CREB5: variants seen among roughly 807,000 people sequenced by gnomAD.
The protein encoded by CREB5 is cyclic AMP-responsive element-binding protein 5.
Under a neutral mutation model 57.1 loss-of-function variants are expected in CREB5, and 19 were observed. The ratio of observed to expected loss-of-function variants is 0.33; its 90% confidence interval spans 0.23 to 0.49. The LOEUF (loss-of-function observed/expected upper bound fraction) is 0.49, where lower values mean the gene tolerates loss of function less well. CREB5 is among the 20% of genes least tolerant of loss of function. The pLI, the probability that CREB5 is intolerant of heterozygous loss-of-function variation, is 0.99. For synonymous variants in CREB5, 238 were observed against 238.3 expected, an observed-to-expected ratio of 1.00 and a Z score of 0.01; for missense variants, 579 against 671.6, an observed-to-expected ratio of 0.86 and a Z score of 1.52.
intron 1 of CREB5, among the ~76,000 whole-genome samples, chr7:28,355,014 A>T (rs1210668474): frequency 2.0e-5 from 3 of 152,214 alleles, no homozygotes; most frequent in Non-Finnish European, 4.4e-5. Flanking sequence ...GCAAGCAGTA[A>T]ATGTGCCTCT....
At chr7:28,446,357 C>A (rs1156386548) in intron 1 of CREB5, among the ~76,000 whole-genome samples, 1 of 152,166 alleles carries the variant, frequency 6.6e-6, no homozygotes, top group African/African-American at 2.4e-5. Flanking sequence ...ACCAAATGTT[C>A]CTTGTGTTCT....
intron 4 of CREB5, among the ~76,000 whole-genome samples, chr7:28,538,673 G>A (rs1226625545): frequency 6.6e-6 from 1 of 151,964 alleles, no homozygotes; most frequent in Non-Finnish European, 1.5e-5. Flanking sequence ...AACTTCTTAA[G>A]ATGGATACTT....
chr7:28,392,449 G>A (rs963386461), intron 1 of CREB5, among the ~76,000 whole-genome samples: 1 of 152,022 alleles, frequency 6.6e-6, no homozygotes, highest in Non-Finnish European at 1.5e-5. Context: ...AATAATTGCG[G>A]TTTTTGGTAT....
intron 7 of CREB5, among the ~76,000 whole-genome samples, chr7:28,763,234 A>G (rs143618637): frequency 6.6e-6 from 1 of 152,346 alleles, no homozygotes; most frequent in African/African-American, 2.4e-5. Context: ...AAAAGCACTT[A>G]GATGTGCCTC....
At chr7:28,344,218 C>A (rs1434365002) in intron 1 of CREB5, among the ~76,000 whole-genome samples, 2 of 152,026 alleles carry the variant, frequency 1.3e-5, no homozygotes, top group South Asian at 2.1e-4. Flanking sequence ...CCAAAAAATT[C>A]TTGCCAAGAC....
At chr7:28,559,260 C>T (rs908003438) in intron 4 of CREB5, among the ~76,000 whole-genome samples, 1 of 152,146 alleles carries the variant, frequency 6.6e-6, no homozygotes, top group Non-Finnish European at 1.5e-5. Flanking sequence ...GCTTGCTGGC[C>T]TCTGCGTGTT....
chr7:28,515,779 A>G (rs946388158), intron 4 of CREB5, among the ~76,000 whole-genome samples: 1 of 152,194 alleles, frequency 6.6e-6, no homozygotes, highest in African/African-American at 2.4e-5. Context: ...TGCGAATTCT[A>G]AGAAGGCTAT....
intron 4 of CREB5, among the ~76,000 whole-genome samples, chr7:28,560,917 T>TGCGTGC (rs1170124048): frequency 2.5e-5 from 2 of 80,822 alleles, no homozygotes; most frequent in East Asian, 7.6e-4. Flanking sequence ...TGCGTGTGCG[T>TGCGTGC]GTGTGCGCGT....
At chr7:28,554,257 C>T (rs908921723) in intron 4 of CREB5, among the ~76,000 whole-genome samples, 2 of 152,228 alleles carry the variant, frequency 1.3e-5, no homozygotes, top group Non-Finnish European at 2.9e-5. Context: ...GTCACACCAT[C>T]TCTTTGGCCT....
chr7:28,492,515 CT>C (rs1290765655), intron 2 of CREB5, among the ~76,000 whole-genome samples: 3 of 151,744 alleles, frequency 2.0e-5, no homozygotes, highest in Non-Finnish European at 4.4e-5. Flanking sequence ...TATGTTCCTG[CT>C]GAATTAAAAA....
intron 5 of CREB5, among the ~76,000 whole-genome samples, chr7:28,680,115 T>C (rs1044285428): frequency 6.6e-6 from 1 of 152,180 alleles, no homozygotes; most frequent in Non-Finnish European, 1.5e-5. Context: ...GTTGGACAAT[T>C]GCAGACCTGC....
chr7:28,392,623 C>G (rs750006079), intron 1 of CREB5, among the ~76,000 whole-genome samples: 23 of 152,198 alleles, frequency 1.5e-4, no homozygotes, highest in Non-Finnish European at 2.6e-4. Context: ...TTGACCTTGA[C>G]TGATGATAGA....
intron 5 of CREB5, among the ~76,000 whole-genome samples, chr7:28,573,765 G>A (rs919229419): frequency 6.6e-6 from 1 of 152,200 alleles, no homozygotes; most frequent in Non-Finnish European, 1.5e-5. Flanking sequence ...ACAAAGGGTA[G>A]GCATCCTCAT....
intron 1 of CREB5, among the ~76,000 whole-genome samples, chr7:28,457,837 G>C (rs925460142): frequency 6.6e-6 from 1 of 152,182 alleles, no homozygotes; most frequent in Non-Finnish European, 1.5e-5. Context: ...TTAACCTGGA[G>C]CCTATGGCGG....
chr7:28,643,958 A>G (rs1195554533), intron 5 of CREB5, among the ~76,000 whole-genome samples: 1 of 152,022 alleles, frequency 6.6e-6, no homozygotes, highest in African/African-American at 2.4e-5. Flanking sequence ...GTGTACCTAT[A>G]GTCCAGCTGC....
At chr7:28,555,669 A>T (rs113914055) in intron 4 of CREB5, among the ~76,000 whole-genome samples, 4,869 of 152,136 alleles carry the variant, frequency 0.032, 301 homozygotes, top group African/African-American at 0.11. Flanking sequence ...AGAGCAAAAT[A>T]AAAAAAACAG....
At chr7:28,805,305 G>A (rs1318052895) in intron 8 of CREB5, among the ~76,000 whole-genome samples, 9 of 152,116 alleles carry the variant, frequency 5.9e-5, no homozygotes, top group African/African-American at 1.7e-4. Flanking sequence ...GAAGAGAGGC[G>A]AGTCCTGTAC....
chr7:28,322,156 A>G (rs975516703), intron 1 of CREB5, among the ~76,000 whole-genome samples: 1 of 152,194 alleles, frequency 6.6e-6, no homozygotes, highest in African/African-American at 2.4e-5. Flanking sequence ...TTAGATGGGC[A>G]TTTTCCAAAG....
chr7:28,742,064 T>TAAAA (rs58431827), intron 7 of CREB5, among the ~76,000 whole-genome samples: 2 of 111,398 alleles, frequency 1.8e-5, no homozygotes, highest in East Asian at 2.9e-4. Flanking sequence ...AGATTCCCTC[T>TAAAA]AAAAAAAAAA....
Sources: gnomAD v4.1 joint callset for allele counts (sites outside exome capture counted in the v4.1 genomes callset) on GRCh38, gnomAD v4.1.1 for gene constraint, MANE v1.5 for transcripts, NCBI Gene and HGNC (gene_info 2026-07-23, HGNC 2026-07-21) for gene names.